Variants in ATP1B3 observed in about 807,000 individuals in gnomAD.
ATP1B3 encodes sodium/potassium-transporting ATPase subunit beta-3.
ATP1B3 carries 10 observed loss-of-function variants against 30.2 expected under a neutral mutation model. The ratio of observed to expected loss-of-function variants is 0.33; its 90% CI spans 0.20 to 0.56. The LOEUF (loss-of-function observed/expected upper bound fraction) is 0.56, where lower values mean the gene tolerates loss of function less well. Ranked by LOEUF, ATP1B3 falls within the 20% of genes least tolerant of loss-of-function variation. The pLI is 0.90. For synonymous variants in ATP1B3, 113 were observed against 117.0 expected, an observed-to-expected ratio of 0.97 and a Z score of 0.22; for missense variants, 238 against 336.7, an observed-to-expected ratio of 0.71 and a Z score of 2.29.
chr3:141,886,492 A>G (rs1933837153), intron 1 of ATP1B3, among the ~76,000 whole-genome samples: 1 of 152,204 alleles, frequency 6.6e-6, no homozygotes, highest in African/African-American at 2.4e-5. Flanking sequence ...GCTCTGCTCT[A>G]CTACATTTCT....
Position 141,902,264 on chromosome 3 carries a change from T to C in ATP1B3, c.110-1356T>C, listed in dbSNP as rs1029029484. ...GGAGGGGTAGAATGCTAGTCTAAAT[T>C]ATAAAATGAAATTGCTTTAACTATT... On this transcript the variant is annotated intron_variant, in intron 1 of 6. Transcript: ENST00000286371. 5.5e-5 allele frequency: 68 copies of C among 1,242,064 alleles called. No homozygotes were observed. The African/African-American group carries it at 9.7e-4, about 18-fold the overall frequency. The allele number at this position is 1,242,064 out of a possible 1,614,324, so 76.9% of individuals were successfully genotyped here.
intron 5 of ATP1B3, chr3:141,916,276 C>G (rs1022646991): frequency 3.2e-5 from 16 of 501,026 alleles, no homozygotes; most frequent in African/African-American, 2.1e-4. Flanking sequence ...TTCTAAGATT[C>G]ACTTTTTTTC....
intron 3 of ATP1B3, among the ~76,000 whole-genome samples, chr3:141,908,020 C>T: frequency 7.0e-6 from 1 of 143,674 alleles, no homozygotes; most frequent in Non-Finnish European, 1.5e-5. Flanking sequence ...TGAAATAGGT[C>T]AGTATAGTTA....
intron 6 of ATP1B3, among the ~76,000 whole-genome samples, chr3:141,924,696 A>G (rs958226253): frequency 1.3e-5 from 2 of 150,886 alleles, no homozygotes; most frequent in Admixed American, 6.6e-5. Flanking sequence ...GCTCATGCCT[A>G]TATATTCCCA....
rs747010351 is a variant in ATP1B3 at position 141,876,947 on chromosome 3, C to G, written c.109+37C>G. 15 of 1,507,886 alleles carry G rather than the reference C, an allele frequency of 9.9e-6. No individual in the cohort carries two copies. In the Admixed American group the frequency reaches 2.9e-4, roughly 29 times the overall value. The allele number at this position is 1,507,886 out of a possible 1,614,324, so 93.4% of individuals were successfully genotyped here. A position where few individuals can be genotyped will look rare whatever the true frequency, so the allele number is the denominator to read the frequency against. Reference sequence around the variant, plus strand: ...GCAGCTGGGCGTCCGGGGCCGGCCTCGGTCCCGGGGGCGCCGGGCGCGGTC... The same window carrying G: ...GCAGCTGGGCGTCCGGGGCCGGCCTGGGTCCCGGGGGCGCCGGGCGCGGTC... On this transcript the variant is annotated intron_variant, in intron 1 of 6. Transcript: ENST00000286371.
At chr3:141,878,372 A>G (rs1933647280) in intron 1 of ATP1B3, among the ~76,000 whole-genome samples, 1 of 152,264 alleles carries the variant, frequency 6.6e-6, no homozygotes, top group Admixed American at 6.5e-5. Context: ...TTACATGGGA[A>G]CAAAAGATGA....
chr3:141,902,436 A>G (rs1370790211), intron 1 of ATP1B3, among the ~76,000 whole-genome samples: 1 of 152,202 alleles, frequency 6.6e-6, no homozygotes, highest in African/African-American at 2.4e-5. Context: ...CCCTGGGGGG[A>G]AAATATATTC....
At chr3:141,882,750 A>G (rs1559864127) in intron 1 of ATP1B3, among the ~76,000 whole-genome samples, 1 of 152,042 alleles carries the variant, frequency 6.6e-6, no homozygotes, top group Non-Finnish European at 1.5e-5. Context: ...TGCCTAGCTA[A>G]TTTTTGTATT....
intron 4 of ATP1B3, 80 bp from the exon 5 acceptor site, chr3:141,915,890 C>T: frequency 8.8e-7 from 1 of 1,137,088 alleles, no homozygotes; most frequent in Non-Finnish European, 1.3e-6. Context: ...GTCTTCACCC[C>T]TTGTTCCCAG....
intron 1 of ATP1B3, among the ~76,000 whole-genome samples, chr3:141,898,962 C>A (rs2107770608): frequency 6.6e-6 from 1 of 152,236 alleles, no homozygotes; most frequent in East Asian, 1.9e-4. Context: ...AAACACCTTA[C>A]ATGGAAGAAG....
intron 4 of ATP1B3, among the ~76,000 whole-genome samples, chr3:141,915,033 C>T (rs1405201861): frequency 6.6e-6 from 1 of 152,206 alleles, no homozygotes; most frequent in Non-Finnish European, 1.5e-5. Flanking sequence ...TTTGTTTTAA[C>T]AGAGATGCCT....
At chr3:141,885,929 G>A (rs1172609915) in intron 1 of ATP1B3, among the ~76,000 whole-genome samples, 6 of 139,160 alleles carry the variant, frequency 4.3e-5, no homozygotes, top group African/African-American at 1.3e-4. Flanking sequence ...ACACACCCCT[G>A]TAGTGTTGTT....
intron 3 of ATP1B3, among the ~76,000 whole-genome samples, chr3:141,912,731 G>A (rs997723372): frequency 6.6e-6 from 1 of 152,130 alleles, no homozygotes; most frequent in Non-Finnish European, 1.5e-5. Flanking sequence ...TGCTCACTTT[G>A]TGCCTCTTGG....
At chr3:141,912,039 A>G (rs1039068707) in intron 3 of ATP1B3, among the ~76,000 whole-genome samples, 3 of 152,076 alleles carry the variant, frequency 2.0e-5, no homozygotes, top group Non-Finnish European at 4.4e-5. Context: ...TGAAGGGCTT[A>G]TTTTTTTGCA....
Position 141,887,902 on chromosome 3 carries a change from G to T in ATP1B3, c.109+10992G>T, listed in dbSNP as rs187972976. Among the ~76,000 whole-genome samples, 76 of 152,260 alleles carry T rather than the reference G, an allele frequency of 5.0e-4. No homozygotes were observed. The East Asian group carries it at 0.011, about 22-fold the overall frequency. Reference sequence around the variant, plus strand: ...CAGAACGGTGGTTGCCTTTAGGGCAGTGGACAGGGAGAATGACTAGGAAGG... The same window carrying T: ...CAGAACGGTGGTTGCCTTTAGGGCATTGGACAGGGAGAATGACTAGGAAGG... On this transcript the variant is annotated intron_variant, in intron 1 of 6. Transcript: ENST00000286371.
At chr3:141,920,541 AGAAAAAAGAAACATACTCC>A (rs1393794420) in intron 5 of ATP1B3, among the ~76,000 whole-genome samples, 2 of 152,106 alleles carry the variant, frequency 1.3e-5, no homozygotes, top group Non-Finnish European at 2.9e-5. Flanking sequence ...AAAAGAAAAA[AGAAAAAAGAAACATACTCC>A]AAGATACTCA....
chr3:141,913,533 C>T (rs1934404876), intron 3 of ATP1B3, 119 bp from the exon 4 acceptor site: 5 of 822,358 alleles, frequency 6.1e-6, no homozygotes, highest in Non-Finnish European at 9.2e-6. Flanking sequence ...CTAAAGTTAT[C>T]TGGTAATTTA....
At position 141,915,654 on chromosome 3, in the gene ATP1B3, TTAA is replaced by T. The variant is rs564295268; in HGVS notation, c.532-311_532-309del. Among the ~76,000 whole-genome samples, 62 of 152,198 alleles carry T rather than the reference TTAA, an allele frequency of 4.1e-4. 2 individuals carry two copies. The South Asian group carries it at 0.013, about 31-fold the overall frequency. ...ATTAAATTATTTGTTCATATAAATA[TTAA>T]TAATTAGATTTAAGGGTTTCTGTCT... On this transcript the variant is annotated intron_variant, in intron 4 of 6. Coordinates refer to ENST00000286371, the MANE Select transcript of ATP1B3 (RefSeq NM_001679.4).
chr3:141,924,351 A>T (rs1934616544), intron 6 of ATP1B3, among the ~76,000 whole-genome samples: 1 of 146,912 alleles, frequency 6.8e-6, no homozygotes, highest in African/African-American at 2.5e-5. Flanking sequence ...AAAAAAAAAA[A>T]AAAAAGGCCA....
Sources: gnomAD v4.1 joint callset for allele counts (sites outside exome capture counted in the v4.1 genomes callset) on GRCh38, gnomAD v4.1.1 for gene constraint, MANE v1.5 for transcripts, NCBI Gene and HGNC (gene_info 2026-07-23, HGNC 2026-07-21) for gene names.